The following MRPL43 variants were observed in gnomAD, a reference collection of about 807,000 sequenced individuals.
MRPL43 encodes large ribosomal subunit protein mL43.
A neutral mutation model predicts 12.7 loss-of-function variants in MRPL43; 9 were observed. That is an observed-to-expected ratio of 0.71 (90% confidence interval 0.43 to 1.24). The LOEUF is 1.24. Ranked by LOEUF, MRPL43 falls within the 50% of genes most tolerant of loss-of-function variation. MRPL43 has a pLI of 0.00. For synonymous variants in MRPL43, 116 were observed against 96.4 expected (o/e 1.20, Z -1.19); for missense variants, 211 against 229.2 (o/e 0.92, Z 0.51).
chr10:100,979,654 AG>A (rs547176779), downstream of MRPL43, among the ~76,000 whole-genome samples: 57 of 152,180 alleles, frequency 3.7e-4, 1 homozygote, highest in East Asian at 0.011. Context: ...GTGCTGGCAA[AG>A]TGAGAATTTT....
chr10:100,987,067 A>C, intron 2 of MRPL43, 23 bp downstream of exon 2: 1 of 1,612,008 alleles, frequency 6.2e-7, no homozygotes, highest in South Asian at 1.1e-5. Context: ...CCCGCCCTCC[A>C]GCCCGAGCCC....
downstream of MRPL43, chr10:100,980,021 G>C (rs1467997429): frequency 6.2e-7 from 1 of 1,613,836 alleles, no homozygotes; most frequent in Admixed American, 1.7e-5. Context: ...GGCCAGTGCT[G>C]AGTAGACAGA....
In MRPL43 at chr10:100,987,000, G is replaced by A. The variant is rs202151190; in HGVS notation, c.239-25C>T. 81 of 1,605,130 alleles carry A rather than the reference G, an allele frequency of 5.0e-5. 1 individual carries two copies. Among genetic ancestry groups the A allele is most frequent in the Admixed American group, 5.0e-5 (3 of 60,002 alleles). ...ACTGGCAGAAGAGGGGTGAGAGTGG[G>A]TGGAAGCTGGCCGGTGCGACCAAGC... On this transcript the variant is annotated intron_variant, in intron 2 of 2. Coordinates refer to ENST00000318364, the MANE Select transcript of MRPL43 (RefSeq NM_032112.3).
downstream of MRPL43, chr10:100,979,740 C>A: frequency 1.5e-6 from 2 of 1,299,870 alleles, no homozygotes; most frequent in South Asian, 1.3e-5. Context: ...CCCTGTGGGA[C>A]TATAGCTGGG....
intron 2 of MRPL43, 39 bp from the exon 3 acceptor site, chr10:100,987,014 G>A: frequency 6.2e-7 from 1 of 1,605,268 alleles, no homozygotes; most frequent in South Asian, 1.1e-5. Context: ...AAGCTGGCCG[G>A]TGCGACCAAG....
At position 100,986,607 on chromosome 10, in the gene MRPL43, G is replaced by A. The variant is rs1222898284; in HGVS notation, c.*127C>T. 6 of 1,611,398 alleles carry A rather than the reference G, an allele frequency of 3.7e-6. No individual in the cohort carries two copies. In the Admixed American group the frequency reaches 1.0e-4, roughly 27 times the overall value. On this transcript the variant is annotated 3_prime_UTR_variant, in exon 3 of 3. Coordinates refer to ENST00000318364, the MANE Select transcript of MRPL43 (RefSeq NM_032112.3). Reference sequence around the variant, plus strand: ...AACAGGCAGCTCTTCATTATCCCAAGCAGAACCTCTGTCAACTTGCCCATT... The same window carrying A: ...AACAGGCAGCTCTTCATTATCCCAAACAGAACCTCTGTCAACTTGCCCATT...
downstream of MRPL43, among the ~76,000 whole-genome samples, chr10:100,982,348 G>A (rs1851134694): frequency 1.3e-5 from 2 of 152,210 alleles, no homozygotes; most frequent in African/African-American, 4.8e-5. Flanking sequence ...TTTTAGGCTG[G>A]AGAGTGGCAT....
At chr10:100,984,231 C>G, downstream of MRPL43, 1 of 1,468,984 alleles carries the variant, frequency 6.8e-7, no homozygotes, top group Non-Finnish European at 8.9e-7. Context: ...ATTACCCCCA[C>G]TCCATACCCT....
At position 100,987,175 on chromosome 10, in the gene MRPL43, C is replaced by T. The variant is rs369350072; in HGVS notation, c.153G>A (p.Val51=). ...RGAREFVERE[V]IDFARRNPGV... ...CTGGATTCCGTCGGGCGAAGTCGAT[C>T]ACCTCCCGCTCCACGAACTCCCTAA... The change falls in exon 2 of 3, where the codon GTG becomes GTA. Residue 51 remains valine, a synonymous_variant. Coordinates refer to ENST00000318364, the MANE Select transcript of MRPL43 (RefSeq NM_032112.3). 8.3e-5 allele frequency: 134 copies of T among 1,613,916 alleles called. 2 individuals are homozygous for T. The African/African-American group carries it at 1.7e-3, about 20-fold the overall frequency.
At chr10:100,981,134 C>T (rs375707389), downstream of MRPL43, 11 of 1,610,222 alleles carry the variant, frequency 6.8e-6, no homozygotes, top group African/African-American at 1.3e-5. Context: ...AAACCCAGTT[C>T]CCCTTGTTCA....
downstream of MRPL43, chr10:100,981,436 T>A: frequency 1.2e-6 from 2 of 1,614,082 alleles, no homozygotes; most frequent in Non-Finnish European, 1.7e-6. Context: ...ATATTTAAGA[T>A]GTGAAGTGTC....
chr10:100,983,469 G>C (rs141030743), downstream of MRPL43: 26 of 1,614,180 alleles, frequency 1.6e-5, no homozygotes, highest in African/African-American at 3.5e-4. Context: ...CGGGCTGCTG[G>C]TTACAGATGC....
In MRPL43 at chr10:100,987,308, C is replaced by T. The variant is rs1008704261; in HGVS notation, c.131+5G>A. On this transcript the variant is annotated splice_donor_5th_base_variant and intron_variant, in intron 1 of 2. Transcript: ENST00000318364. The stretch of plus-strand genomic sequence containing the variant: ...ACCCGCGCCTGCGCACTTCCCTTGG[C>T]TCACCTGGCGCCGCGAGACGAGGCG... The T allele has an allele frequency of 6.2e-7, 1 of 1,612,094 alleles. No homozygotes were observed. Among genetic ancestry groups the T allele is most frequent in the African/African-American group, 1.3e-5 (1 of 74,936 alleles).
At chr10:100,978,646 G>A, downstream of MRPL43, 1 of 1,611,794 alleles carries the variant, frequency 6.2e-7, no homozygotes, top group Non-Finnish European at 8.5e-7. Context: ...CAATGGTTAG[G>A]AGGATGAGGC....
chr10:100,984,980 T>G (rs1761267634), downstream of MRPL43: 2 of 1,364,610 alleles, frequency 1.5e-6, no homozygotes, highest in Non-Finnish European at 1.9e-6. Flanking sequence ...TCCACTCACA[T>G]GCACCTCTGA....
At chr10:100,983,645 T>C (rs1851250291), downstream of MRPL43, 2 of 1,613,840 alleles carry the variant, frequency 1.2e-6, no homozygotes, top group Non-Finnish European at 1.7e-6. Flanking sequence ...GACTGCTCTA[T>C]GTGCTAGCCA....
At chr10:100,983,947 C>A (rs776467523), downstream of MRPL43, 6 of 1,587,202 alleles carry the variant, frequency 3.8e-6, no homozygotes, top group East Asian at 1.4e-4. Flanking sequence ...GCTGAGCTGA[C>A]CAATGGCTTG....
downstream of MRPL43, chr10:100,978,889 G>C (rs1316488117): frequency 6.2e-7 from 1 of 1,614,112 alleles, no homozygotes; most frequent in East Asian, 2.2e-5. Flanking sequence ...GGGAGAGCAA[G>C]GCCAGTGCAG....
downstream of MRPL43, chr10:100,984,101 C>T (rs756516259): frequency 6.8e-6 from 11 of 1,612,704 alleles, no homozygotes; most frequent in East Asian, 6.7e-5. Flanking sequence ...ACACGCAGCT[C>T]GTGGAGCAGC....
Sources: gnomAD v4.1 joint callset for allele counts (sites outside exome capture counted in the v4.1 genomes callset) on GRCh38, gnomAD v4.1.1 for gene constraint, MANE v1.5 for transcripts, NCBI Gene and HGNC (gene_info 2026-07-23, HGNC 2026-07-21) for gene names.